AFG2A: variants seen among roughly 807,000 people sequenced by gnomAD.
AFG2A encodes the protein ATPase family gene 2 protein homolog A.
the AFG2A span, among the ~76,000 whole-genome samples, chr4:123,212,795 C>CA: frequency 6.6e-6 from 1 of 152,258 alleles, no homozygotes; most frequent in South Asian, 2.1e-4. Flanking sequence ...TGCTTCAAAT[C>CA]AAACTGCACT....
chr4:123,084,166 C>G, the AFG2A span, among the ~76,000 whole-genome samples: 1 of 151,922 alleles, frequency 6.6e-6, no homozygotes, highest in Non-Finnish European at 1.5e-5. Flanking sequence ...TCTGTCATAT[C>G]TGATATTAGG....
chr4:123,281,700 A>G, the AFG2A span, among the ~76,000 whole-genome samples: 1 of 152,208 alleles, frequency 6.6e-6, no homozygotes, highest in Admixed American at 6.5e-5. Context: ...ATGTCCTTCA[A>G]CAGGTGAATG....
chr4:123,176,970 C>T, the AFG2A span, among the ~76,000 whole-genome samples: 27 of 152,050 alleles, frequency 1.8e-4, no homozygotes, highest in African/African-American at 6.5e-4. Flanking sequence ...AAAACATGCC[C>T]ACCAGTGTAA....
chr4:123,248,572 G>T, the AFG2A span, among the ~76,000 whole-genome samples: 1 of 152,164 alleles, frequency 6.6e-6, no homozygotes, highest in Non-Finnish European at 1.5e-5. Flanking sequence ...TGTAAGAGCT[G>T]ATCCCTCTAT....
chr4:123,188,936 G>A, the AFG2A span, among the ~76,000 whole-genome samples: 1 of 152,130 alleles, frequency 6.6e-6, no homozygotes, highest in Non-Finnish European at 1.5e-5. Context: ...ATTTCTAAAT[G>A]CATTTTCTTC....
the AFG2A span, among the ~76,000 whole-genome samples, chr4:123,184,104 AT>A: frequency 6.0e-5 from 9 of 150,000 alleles, no homozygotes; most frequent in African/African-American, 1.2e-4. Context: ...CCCCGACCTG[AT>A]TTTTTTTTTA....
chr4:123,146,135 T>G, the AFG2A span, among the ~76,000 whole-genome samples: 1 of 152,146 alleles, frequency 6.6e-6, no homozygotes, highest in Non-Finnish European at 1.5e-5. Context: ...ACCTAAGATT[T>G]TATCCAACTA....
At chr4:123,176,062 A>T in the AFG2A span, among the ~76,000 whole-genome samples, 3 of 152,332 alleles carry the variant, frequency 2.0e-5, no homozygotes, top group Admixed American at 6.5e-5. Flanking sequence ...CAGAGACAAC[A>T]CCATGATTGA....
the AFG2A span, among the ~76,000 whole-genome samples, chr4:123,045,249 T>A: frequency 6.6e-6 from 1 of 152,220 alleles, no homozygotes; most frequent in Non-Finnish European, 1.5e-5. Flanking sequence ...CATTTTTTTC[T>A]TCAACCATTT....
chr4:123,227,196 G>A, the AFG2A span, among the ~76,000 whole-genome samples: 4 of 152,040 alleles, frequency 2.6e-5, no homozygotes, highest in South Asian at 2.1e-4. Flanking sequence ...AAGGTTTTTT[G>A]TGTGTCTATT....
the AFG2A span, among the ~76,000 whole-genome samples, chr4:123,181,008 G>A: frequency 6.7e-5 from 9 of 133,364 alleles, no homozygotes; most frequent in East Asian, 4.4e-4. Flanking sequence ...TATTTGAGAC[G>A]GAGTCTCACT....
chr4:123,206,655 G>A, the AFG2A span, among the ~76,000 whole-genome samples: 3,235 of 152,212 alleles, frequency 0.021, 63 homozygotes, highest in Non-Finnish European at 0.035. Context: ...TTTTCCTTTC[G>A]ATCCAGTGTC....
the AFG2A span, among the ~76,000 whole-genome samples, chr4:123,068,798 A>G: frequency 1.1e-4 from 16 of 152,174 alleles, no homozygotes; most frequent in Non-Finnish European, 1.6e-4. Flanking sequence ...TCCACTGGTT[A>G]TTCAGAGTTC....
At chr4:123,293,059 A>G in the AFG2A span, among the ~76,000 whole-genome samples, 1 of 152,240 alleles carries the variant, frequency 6.6e-6, no homozygotes, top group African/African-American at 2.4e-5. Flanking sequence ...TCATGTCGCA[A>G]TGTTCTGGAT....
chr4:123,020,938 T>C, the AFG2A span, among the ~76,000 whole-genome samples: 2 of 152,234 alleles, frequency 1.3e-5, no homozygotes, highest in East Asian at 3.8e-4. Context: ...CAAGTACATT[T>C]AATAAACATT....
the AFG2A span, among the ~76,000 whole-genome samples, chr4:123,066,520 T>C: frequency 2.0e-5 from 3 of 152,168 alleles, no homozygotes; most frequent in African/African-American, 7.2e-5. Context: ...GATTTAATGC[T>C]CTTTGAACTA....
At chr4:123,209,205 C>G in the AFG2A span, among the ~76,000 whole-genome samples, 1 of 152,102 alleles carries the variant, frequency 6.6e-6, no homozygotes, top group Non-Finnish European at 1.5e-5. Context: ...GGTAAAACAA[C>G]CTGGGGCTTG....
the AFG2A span, among the ~76,000 whole-genome samples, chr4:123,105,719 A>C: frequency 6.6e-6 from 1 of 152,208 alleles, no homozygotes; most frequent in African/African-American, 2.4e-5. Flanking sequence ...TAAGGTAGAT[A>C]CAGCAAAAGA....
the AFG2A span, among the ~76,000 whole-genome samples, chr4:123,176,631 T>C: frequency 6.6e-6 from 1 of 152,086 alleles, no homozygotes; most frequent in African/African-American, 2.4e-5. Flanking sequence ...CAGTAGCCAA[T>C]ATTGGGGGTG....
Sources: allele counts gnomAD v4.1 joint callset (sites outside exome capture counted in the v4.1 genomes callset), GRCh38; gene constraint gnomAD v4.1.1; transcripts MANE v1.5; gene names NCBI Gene and HGNC (gene_info 2026-07-23, HGNC 2026-07-21).